The following NDUFA10 variants were observed in gnomAD, a reference collection of about 807,000 sequenced individuals.
NDUFA10 encodes the protein NADH:ubiquinone oxidoreductase subunit A10, also known as NADH dehydrogenase [ubiquinone] 1 alpha subcomplex subunit 10, mitochondrial.
Under a neutral mutation model 47.8 loss-of-function variants are expected in NDUFA10, and 40 were observed. That is an observed-to-expected ratio of 0.84 (90% CI 0.65 to 1.09). The LOEUF (loss-of-function observed/expected upper bound fraction) is 1.09, where lower values mean the gene tolerates loss of function less well. Among genes scored for constraint, NDUFA10 ranks in the 50% least tolerant of loss-of-function variants. The probability of loss-of-function intolerance (pLI) is 0.00; values close to 1 mark genes in which losing one functional copy is unlikely to be tolerated. For missense variants in NDUFA10, 413 were observed against 451.1 expected (o/e 0.92, Z 0.76); for synonymous variants, 183 against 172.2 (o/e 1.06, Z -0.49).
At chr2:239,981,471 CAACA>C (rs1247170950) in intron 9 of NDUFA10, among the ~76,000 whole-genome samples, 2 of 152,160 alleles carry the variant, frequency 1.3e-5, no homozygotes, top group African/African-American at 4.8e-5. Context: ...AAGATCCTAC[CAACA>C]AGATGCAAAT....
At chr2:239,915,443 C>T (rs1693846614) in intron 4 of NDUFA10, among the ~76,000 whole-genome samples, 1 of 146,272 alleles carries the variant, frequency 6.8e-6, no homozygotes, top group African/African-American at 2.7e-5. Context: ...CAGACACACA[C>T]ACAGAGAGAC....
At chr2:239,951,499 G>A (rs916037445) in intron 4 of NDUFA10, among the ~76,000 whole-genome samples, 4 of 152,138 alleles carry the variant, frequency 2.6e-5, no homozygotes, top group African/African-American at 4.8e-5. Flanking sequence ...CTGGGCAGCC[G>A]TGTCCCAGGG....
In NDUFA10 at chr2:239,960,852, A is replaced by G; in HGVS notation, c.*266T>C. On this transcript the variant is annotated 3_prime_UTR_variant, in exon 10 of 10. Transcript: ENST00000252711. Reference sequence around the variant, plus strand: ...AGGGGCTGCCGAGAGCTGGCCTTTCACAGCAGACCACTGTTTTCCAGTGAG... The same window carrying G: ...AGGGGCTGCCGAGAGCTGGCCTTTCGCAGCAGACCACTGTTTTCCAGTGAG... The G allele has an allele frequency of 3.6e-6, 5 of 1,372,070 alleles. No individual in the cohort carries two copies. Among genetic ancestry groups the G allele is most frequent in the Non-Finnish European group, 4.7e-6 (5 of 1,055,768 alleles). The allele number at this position is 1,372,070 out of a possible 1,614,324, so 85.0% of individuals were successfully genotyped here. A position where few individuals can be genotyped will look rare whatever the true frequency, so the allele number is the denominator to read the frequency against.
At chr2:239,901,889 T>C (rs1693557878) in intron 4 of NDUFA10, among the ~76,000 whole-genome samples, 2 of 152,056 alleles carry the variant, frequency 1.3e-5, no homozygotes, top group South Asian at 2.1e-4. Flanking sequence ...GTAGTGGAAA[T>C]GACAAGGGAG....
At chr2:240,010,695 GA>G (rs1350708354) in intron 6 of NDUFA10, among the ~76,000 whole-genome samples, 33 of 151,902 alleles carry the variant, frequency 2.2e-4, no homozygotes, top group Admixed American at 2.2e-3. Flanking sequence ...TTACGGTACA[GA>G]AAAAACTCCC....
chr2:240,006,726 C>A, intron 7 of NDUFA10, among the ~76,000 whole-genome samples: 1 of 152,168 alleles, frequency 6.6e-6, no homozygotes, highest in Non-Finnish European at 1.5e-5. Context: ...ACTAACTTTG[C>A]CAAACTGAAG....
intron 4 of NDUFA10, among the ~76,000 whole-genome samples, chr2:239,926,138 TG>T (rs1694061506): frequency 6.6e-6 from 1 of 152,216 alleles, no homozygotes; most frequent in African/African-American, 2.4e-5. Flanking sequence ...ATTACACTTC[TG>T]GGCATTTACA....
At chr2:239,919,414 G>C (rs1281339697) in intron 4 of NDUFA10, among the ~76,000 whole-genome samples, 2 of 141,238 alleles carry the variant, frequency 1.4e-5, no homozygotes, top group Non-Finnish European at 3.1e-5. Flanking sequence ...TCTCCTTCTA[G>C]AATGCTGGCT....
rs1408114658 is a variant in NDUFA10, at chr2:239,987,268, C to G, written c.999+2806G>C. ...TGTCCTGGGGTTGTGGAGGAGAACA[C>G]CCTTGTTTGTGAGAATTACACATTC... On this transcript the variant is annotated intron_variant, in intron 9 of 9. Transcript: ENST00000252711. This position sits in a 1 kb window ranked among gnomAD's most constrained non-coding sequence, Gnocchi z 4.8. 6.6e-6 allele frequency among the ~76,000 whole-genome samples: 1 copy of G among 152,008 alleles called. No individual in the cohort carries two copies. The highest frequency in any genetic ancestry group is 1.5e-5 in the Non-Finnish European group (1 of 68,012).
chr2:239,973,586 G>T (rs767292304), intron 9 of NDUFA10: 17 of 471,038 alleles, frequency 3.6e-5, no homozygotes, highest in Middle Eastern at 6.5e-4. Flanking sequence ...TCAGCTTCAA[G>T]GAGGGAACGA....
chr2:239,898,967 GTGATGAAGAGGTA>G lies in NDUFA10; in HGVS notation c.295-3666_295-3654del, dbSNP rs1191821724. On this transcript the variant is annotated intron_variant, in intron 4 of 5. Coordinates refer to the NDUFA10 transcript ENST00000419408. ...GGGGTGTGGAGGGGTGTGGCAGGGTGTGATGAAGAGGTATGATGGAGAGGTGTGATGGAGAGGT... is the reference window on the plus strand; with the variant it reads ...GGGGTGTGGAGGGGTGTGGCAGGGTGTGATGGAGAGGTGTGATGGAGAGGT... Among the ~76,000 whole-genome samples the G allele has an allele frequency of 2.4e-3, 299 of 125,434 alleles. 5 individuals carry two copies. Among genetic ancestry groups the G allele is most frequent in the African/African-American group, 7.8e-3 (276 of 35,588 alleles). 82.3% of individuals were successfully genotyped at this position (125,434 alleles called of 152,430 possible). A position where few individuals can be genotyped will look rare whatever the true frequency, so the allele number is the denominator to read the frequency against.
downstream of NDUFA10, among the ~76,000 whole-genome samples, chr2:239,956,447 A>C (rs889795102): frequency 6.6e-6 from 1 of 152,176 alleles, no homozygotes; most frequent in African/African-American, 2.4e-5. Flanking sequence ...ACAACGTCTA[A>C]AACAGCAAGA....
At chr2:239,929,094 G>A (rs1468504267) in intron 4 of NDUFA10, among the ~76,000 whole-genome samples, 2 of 152,168 alleles carry the variant, frequency 1.3e-5, no homozygotes, top group Non-Finnish European at 1.5e-5. Flanking sequence ...TGAAGAGAAC[G>A]CTGCATCTGG....
At chr2:239,983,678 C>T (rs1695879056) in intron 9 of NDUFA10, 1 of 1,575,732 alleles carries the variant, frequency 6.3e-7, no homozygotes. Flanking sequence ...TGCTTCACCT[C>T]TGTGGATTCC....
chr2:239,904,874 C>T (rs558898462), intron 4 of NDUFA10, among the ~76,000 whole-genome samples: 1 of 152,318 alleles, frequency 6.6e-6, no homozygotes, highest in Admixed American at 6.5e-5. Flanking sequence ...TCTGGTGACT[C>T]CAGGCTTCCT....
intron 8 of NDUFA10, among the ~76,000 whole-genome samples, chr2:239,990,648 G>A (rs900304636): frequency 2.6e-5 from 4 of 152,152 alleles, no homozygotes; most frequent in Admixed American, 6.5e-5. Context: ...TGCAGCCAGC[G>A]TCTTACTGCT....
chr2:239,945,487 G>C lies in NDUFA10; in HGVS notation c.294+44587C>G, dbSNP rs942854757. 2.0e-5 allele frequency among the ~76,000 whole-genome samples: 3 copies of C among 152,130 alleles called. No homozygotes were observed. Among genetic ancestry groups the C allele is most frequent in the Non-Finnish European group, 2.9e-5 (2 of 68,028 alleles). The stretch of plus-strand genomic sequence containing the variant: ...AGCGGACACCCCAACCGGAACGCAG[G>C]CTGCACCGCGAGGCTCCCTGCGCCC... On this transcript the variant is annotated intron_variant, in intron 4 of 5. Coordinates refer to the NDUFA10 transcript ENST00000419408. The surrounding 1 kb of genome is among the most constrained non-coding windows in gnomAD (Gnocchi z 4.6).
At chr2:239,970,741 A>G (rs4854065) in intron 9 of NDUFA10, among the ~76,000 whole-genome samples, 69,855 of 152,102 alleles carry the variant, frequency 0.46, 16,358 homozygotes, top group African/African-American at 0.53. Flanking sequence ...GAAACCCTAC[A>G]GCAATCATCA....
At chr2:239,956,793 T>G (rs985723371), downstream of NDUFA10, among the ~76,000 whole-genome samples, 1 of 152,178 alleles carries the variant, frequency 6.6e-6, no homozygotes, top group Non-Finnish European at 1.5e-5. Context: ...AGAAAACTCA[T>G]GCTTTGATGG....
Sources: gnomAD v4.1 joint callset for allele counts (sites outside exome capture counted in the v4.1 genomes callset) on GRCh38, gnomAD v4.1.1 for gene constraint, Gnocchi (gnomAD v3.1) non-coding constraint, MANE v1.5 for transcripts, NCBI Gene and HGNC (gene_info 2026-07-23, HGNC 2026-07-21) for gene names.